The following CFAP299 variants were observed in gnomAD, a reference collection of about 807,000 sequenced individuals.
CFAP299 encodes the protein cilia and flagella associated protein 299.
CFAP299 carries 21 observed loss-of-function variants against 27.0 expected under a neutral mutation model. The ratio of observed to expected loss-of-function variants is 0.78; its 90% CI spans 0.55 to 1.12. The LOEUF (loss-of-function observed/expected upper bound fraction) is 1.12, where lower values mean the gene tolerates loss of function less well. Among genes scored for constraint, CFAP299 ranks in the 50% most tolerant of loss-of-function variants. CFAP299 has a pLI of 0.00. For missense variants in CFAP299, 310 were observed against 276.6 expected, an observed-to-expected ratio of 1.12 and a Z score of -0.86; for synonymous variants, 104 against 98.1, an observed-to-expected ratio of 1.06 and a Z score of -0.36.
chr4:80,771,378 A>G (rs1294409163), intron 3 of CFAP299, among the ~76,000 whole-genome samples: 1 of 152,214 alleles, frequency 6.6e-6, no homozygotes, highest in Non-Finnish European at 1.5e-5. Context: ...TTTGGTACAG[A>G]CAAACTTACA....
chr4:80,748,153 T>G (rs1003785885), intron 3 of CFAP299, among the ~76,000 whole-genome samples: 1 of 152,096 alleles, frequency 6.6e-6, no homozygotes, highest in Non-Finnish European at 1.5e-5. Flanking sequence ...TTAGTATCCC[T>G]TATTTATTTT....
intron 3 of CFAP299, 62 bp from the exon 4 acceptor site, chr4:80,869,931 G>A: frequency 6.8e-7 from 1 of 1,473,408 alleles, no homozygotes; most frequent in Non-Finnish European, 9.3e-7. Flanking sequence ...TCTATCCTAT[G>A]GCATTCCATA....
At chr4:80,690,047 T>C (rs1720550509) in intron 3 of CFAP299, among the ~76,000 whole-genome samples, 1 of 148,878 alleles carries the variant, frequency 6.7e-6, no homozygotes, top group South Asian at 2.1e-4. Flanking sequence ...ATAAAGCAAG[T>C]CCTGAGTGAC....
intron 1 of CFAP299, among the ~76,000 whole-genome samples, chr4:80,349,293 A>G (rs1227252528): frequency 6.6e-6 from 1 of 152,220 alleles, no homozygotes; most frequent in African/African-American, 2.4e-5. Context: ...TCACCCTGAC[A>G]TGTAACTATC....
chr4:80,362,584 A>G (rs939564407), intron 1 of CFAP299, among the ~76,000 whole-genome samples, 170 bp from the exon 2 acceptor site: 31 of 152,246 alleles, frequency 2.0e-4, no homozygotes, highest in African/African-American at 7.5e-4. Flanking sequence ...GTATTATTAG[A>G]AAAATTCTAG....
chr4:80,704,355 G>A (rs544861688), intron 3 of CFAP299, among the ~76,000 whole-genome samples: 1 of 151,758 alleles, frequency 6.6e-6, no homozygotes, highest in Non-Finnish European at 1.5e-5. Flanking sequence ...AGAAATGCAG[G>A]GTTGGAGGTG....
At chr4:80,660,420 T>C (rs1740784862) in intron 3 of CFAP299, among the ~76,000 whole-genome samples, 1 of 152,114 alleles carries the variant, frequency 6.6e-6, no homozygotes, top group African/African-American at 2.4e-5. Flanking sequence ...AAATAAAATG[T>C]GAAGTAGGTA....
intron 2 of CFAP299, among the ~76,000 whole-genome samples, chr4:80,479,398 G>A (rs1045381112): frequency 6.6e-6 from 1 of 151,930 alleles, no homozygotes; most frequent in Non-Finnish European, 1.5e-5. Context: ...AGCTTTTATG[G>A]CATATAAGGA....
At chr4:80,782,612 T>TGTGGGTGC (rs1726958324) in intron 3 of CFAP299, among the ~76,000 whole-genome samples, 10 of 90,616 alleles carry the variant, frequency 1.1e-4, no homozygotes, top group Non-Finnish European at 1.2e-4. Context: ...ATACATATAT[T>TGTGGGTGC]AATATATAAT....
At chr4:80,446,919 G>T (rs181355108) in intron 2 of CFAP299, among the ~76,000 whole-genome samples, 1 of 152,126 alleles carries the variant, frequency 6.6e-6, no homozygotes, top group African/African-American at 2.4e-5. Flanking sequence ...AAAGGGTTTT[G>T]CAATTCAGTA....
At chr4:80,881,658 A>T (rs1484176881) in intron 4 of CFAP299, among the ~76,000 whole-genome samples, 2 of 152,214 alleles carry the variant, frequency 1.3e-5, no homozygotes, top group East Asian at 3.9e-4. Context: ...CTGCTTCTTT[A>T]AATGTACAGA....
chr4:80,706,341 GA>G (rs570237876), intron 3 of CFAP299, among the ~76,000 whole-genome samples: 4 of 150,166 alleles, frequency 2.7e-5, no homozygotes, highest in African/African-American at 7.3e-5. Context: ...AGTATTAAAT[GA>G]AAAAAAAATC....
intron 2 of CFAP299, among the ~76,000 whole-genome samples, chr4:80,507,317 G>A (rs1318707749): frequency 6.6e-6 from 1 of 152,080 alleles, no homozygotes; most frequent in Non-Finnish European, 1.5e-5. Context: ...AACATTCTAT[G>A]GGGGCGTCAC....
chr4:80,869,800 C>T (rs1322114597), intron 3 of CFAP299, among the ~76,000 whole-genome samples, 193 bp from the exon 4 acceptor site: 4 of 152,300 alleles, frequency 2.6e-5, no homozygotes, highest in African/African-American at 4.8e-5. Flanking sequence ...GCGTGAGCCA[C>T]GTGCTGGGCG....
chr4:80,940,276 G>A (rs182927511), intron 4 of CFAP299, among the ~76,000 whole-genome samples: 43 of 152,210 alleles, frequency 2.8e-4, no homozygotes, highest in Non-Finnish European at 5.0e-4. Flanking sequence ...AGACTATTTA[G>A]TCATGCCAAT....
At chr4:80,326,236 T>C in the CFAP299 span, among the ~76,000 whole-genome samples, 3 of 152,108 alleles carry the variant, frequency 2.0e-5, no homozygotes, top group African/African-American at 7.2e-5. Flanking sequence ...TCTATGGGAT[T>C]GTGGTGTGTG....
chr4:80,410,732 G>A (rs1169135795), intron 2 of CFAP299, among the ~76,000 whole-genome samples: 1 of 152,130 alleles, frequency 6.6e-6, no homozygotes, highest in African/African-American at 2.4e-5. Flanking sequence ...TTATCACTGG[G>A]TGGTGGTGTG....
rs1265569454 is a variant in CFAP299 at position 80,538,822 on chromosome 4, G to A, written c.243-44271G>A. 3.9e-5 allele frequency among the ~76,000 whole-genome samples: 6 copies of A among 152,184 alleles called. No homozygotes were observed. The East Asian group carries it at 7.7e-4, about 20-fold the overall frequency. On this transcript the variant is annotated intron_variant, in intron 2 of 5. Transcript: ENST00000358105. ...TCTGCGTTTCTCAGAATATATACCC[G>A]TAAAGTGATGCAAGACTGTATTTCA...
chr4:80,746,979 A>G (rs1014827590), intron 3 of CFAP299, among the ~76,000 whole-genome samples: 1 of 152,026 alleles, frequency 6.6e-6, no homozygotes, highest in Admixed American at 6.6e-5. Context: ...CTTTGTATCC[A>G]TAACTTAAAG....
Sources: gnomAD v4.1 joint callset for allele counts (sites outside exome capture counted in the v4.1 genomes callset) on GRCh38, gnomAD v4.1.1 for gene constraint, MANE v1.5 for transcripts, NCBI Gene and HGNC (gene_info 2026-07-23, HGNC 2026-07-21) for gene names.